The following USP9Y variants were observed in gnomAD, a reference collection of about 807,000 sequenced individuals.
The protein encoded by USP9Y is ubiquitin carboxyl-terminal hydrolase 9Y.
USP9Y carries 41 observed loss-of-function variants against 53.1 expected under a neutral mutation model. The ratio of observed to expected loss-of-function variants is 0.77; its 90% CI spans 0.60 to 1.00. The LOEUF (loss-of-function observed/expected upper bound fraction) is 1.00, where lower values mean the gene tolerates loss of function less well. Among genes scored for constraint, USP9Y ranks in the 50% least tolerant of loss-of-function variants. USP9Y has a pLI of 0.00. For synonymous variants in USP9Y, 220 were observed against 173.7 expected (o/e 1.27, Z -2.09); for missense variants, 567 against 535.8 (o/e 1.06, Z -0.58).
At chrY:12,712,548 C>CT (rs2053425860) in intron 3 of USP9Y, among the ~76,000 whole-genome samples, 1 of 33,012 alleles carries the variant, frequency 3.0e-5, no homozygotes, top group Non-Finnish European at 7.4e-5. Context: ...TAATCTACAT[C>CT]TTTATATTTA....
At chrY:12,779,244 C>G in intron 21 of USP9Y, among the ~76,000 whole-genome samples, 1 of 32,611 alleles carries the variant, frequency 3.1e-5, no homozygotes, top group Non-Finnish European at 7.5e-5. Flanking sequence ...CATCTGAGTA[C>G]TATGTGAAAC....
chrY:12,722,869 T>C (rs2053437149), intron 5 of USP9Y, among the ~76,000 whole-genome samples: 1 of 32,393 alleles, frequency 3.1e-5, no homozygotes, highest in South Asian at 7.0e-4. Context: ...TTTTTATTTA[T>C]TTTATTTTAT....
chrY:12,758,502 T>A lies in USP9Y; in HGVS notation c.1630-4T>A, dbSNP rs771954440. On this transcript the variant is annotated splice_region_variant and splice_polypyrimidine_tract_variant and intron_variant, in intron 13 of 45. Transcript: ENST00000338981. ...TTACAGTATAAATTTTTTTCATGTA[T>A]AAGGATCGAGATGCACAGAAGATCC... The A allele has an allele frequency of 2.6e-6, 1 of 382,471 alleles. No homozygotes were observed. The highest frequency in any genetic ancestry group is 3.7e-6 in the Non-Finnish European group (1 of 273,513).
Position 12,840,628 on chromosome Y carries a change from G to C in USP9Y, c.6088+14G>C, listed in dbSNP as rs1347247846. Reference sequence around the variant, plus strand: ...ACCCTGCTCCAGGTAAGCTTTGAAAGTAGCTTCTTCTAATAAAGAATAGTT... The same window carrying C: ...ACCCTGCTCCAGGTAAGCTTTGAAACTAGCTTCTTCTAATAAAGAATAGTT... On this transcript the variant is annotated intron_variant, in intron 36 of 45. Coordinates refer to ENST00000338981, the MANE Select transcript of USP9Y (RefSeq NM_004654.4). The C allele has an allele frequency of 2.5e-6, 1 of 392,309 alleles. No homozygotes were observed. Among genetic ancestry groups the C allele is most frequent in the Non-Finnish European group, 3.6e-6 (1 of 280,865 alleles).
chrY:12,790,816 C>T, intron 25 of USP9Y, among the ~76,000 whole-genome samples: 1 of 33,214 alleles, frequency 3.0e-5, no homozygotes, highest in Non-Finnish European at 7.4e-5. Flanking sequence ...TTAAACTGCT[C>T]ACACAAGCAA....
chrY:12,809,821 T>C (rs2053527955), intron 27 of USP9Y, among the ~76,000 whole-genome samples: 1 of 32,542 alleles, frequency 3.1e-5, no homozygotes, highest in Non-Finnish European at 7.6e-5. Context: ...CCGAGAGAGG[T>C]TGTTAAAAAT....
intron 3 of USP9Y, among the ~76,000 whole-genome samples, chrY:12,712,024 A>G (rs2053425387): frequency 3.0e-5 from 1 of 33,507 alleles, no homozygotes; most frequent in South Asian, 6.8e-4. Context: ...TTCTGGTTTA[A>G]TGCTATTGTG....
chrY:12,754,526 G>A (rs561047594), intron 12 of USP9Y, among the ~76,000 whole-genome samples: 1 of 32,770 alleles, frequency 3.1e-5, no homozygotes. Flanking sequence ...TTACAGTCAT[G>A]AGCCACCATG....
At chrY:12,722,928 G>A (rs2053437214) in intron 5 of USP9Y, among the ~76,000 whole-genome samples, 1 of 31,660 alleles carries the variant, frequency 3.2e-5, no homozygotes, top group Admixed American at 3.0e-4. Context: ...AGTCAGTGGC[G>A]TGATATCAGC....
At chrY:12,754,867 G>A in intron 12 of USP9Y, among the ~76,000 whole-genome samples, 3 of 32,694 alleles carry the variant, frequency 9.2e-5, no homozygotes, top group Admixed American at 2.8e-4. Context: ...TAGTTCTGTC[G>A]TTTGTTTAGA....
chrY:12,789,814 G>A (rs2053505853), intron 24 of USP9Y, among the ~76,000 whole-genome samples: 1 of 32,693 alleles, frequency 3.1e-5, no homozygotes, highest in Admixed American at 2.8e-4. Context: ...TTAAAGGACT[G>A]TTTAATGGTA....
intron 17 of USP9Y, among the ~76,000 whole-genome samples, 187 bp from the exon 18 acceptor site, chrY:12,775,284 C>T (rs9786855): frequency 1.8e-3 from 59 of 32,754 alleles, no homozygotes; most frequent in African/African-American, 6.7e-3. Context: ...CGGCTTTGTT[C>T]AGAAAACTTG....
chrY:12,816,103 T>C (rs772205808), intron 31 of USP9Y, 21 bp from the exon 32 acceptor site: 2 of 386,353 alleles, frequency 5.2e-6, no homozygotes, highest in African/African-American at 1.3e-4. Context: ...AGTATAAGCA[T>C]CTTTTCTCTT....
intron 7 of USP9Y, among the ~76,000 whole-genome samples, chrY:12,733,749 G>A (rs2053449210): frequency 3.2e-5 from 1 of 31,684 alleles, no homozygotes; most frequent in Non-Finnish European, 7.6e-5. Context: ...CTGACCTCAG[G>A]GGATCCACCC....
chrY:12,738,156 G>A lies in USP9Y; in HGVS notation c.1165-1G>A. On this transcript the variant is annotated splice_acceptor_variant, in intron 10 of 45. Transcript: ENST00000338981. LOFTEE classifies it high-confidence loss of function. The stretch of plus-strand genomic sequence containing the variant: ...GCATTGAATTTTTGTATTACATTTA[G>A]GAATGGATACAGCAAAATAATATCT... The A allele has an allele frequency of 2.6e-6, 1 of 383,532 alleles. No individual in the cohort carries two copies. The highest frequency in any genetic ancestry group is 3.6e-6 in the Non-Finnish European group (1 of 276,236).
intron 24 of USP9Y, among the ~76,000 whole-genome samples, chrY:12,788,600 C>T (rs775066666): frequency 1.8e-3 from 57 of 32,206 alleles, no homozygotes; most frequent in Admixed American, 0.014. Context: ...CCTTTAATCA[C>T]GAAGACAGCT....
At chrY:12,774,484 A>AAAC (rs2053490500) in intron 17 of USP9Y, among the ~76,000 whole-genome samples, 1 of 31,235 alleles carries the variant, frequency 3.2e-5, no homozygotes, top group Non-Finnish European at 7.8e-5. Flanking sequence ...AAAAAAAAAA[A>AAAC]AAGAATTATA....
intron 18 of USP9Y, among the ~76,000 whole-genome samples, chrY:12,776,421 G>A: frequency 9.0e-5 from 3 of 33,442 alleles, no homozygotes; most frequent in South Asian, 1.3e-3. Context: ...GATTACAGGC[G>A]TGAGCCACCA....
At chrY:12,731,478 C>T in intron 7 of USP9Y, among the ~76,000 whole-genome samples, 1 of 33,459 alleles carries the variant, frequency 3.0e-5, no homozygotes, top group Admixed American at 2.7e-4. Flanking sequence ...ATGTCCTTTA[C>T]ACCTCACCTG....
Sources: allele counts gnomAD v4.1 joint callset (sites outside exome capture counted in the v4.1 genomes callset), GRCh38; gene constraint gnomAD v4.1.1; transcripts MANE v1.5; gene names NCBI Gene and HGNC (gene_info 2026-07-23, HGNC 2026-07-21).